DEPTOR: variants seen among roughly 807,000 people sequenced by gnomAD.
DEPTOR encodes DEP domain-containing mTOR-interacting protein.
Under a neutral mutation model 41.6 loss-of-function variants are expected in DEPTOR, and 41 were observed. The observed-to-expected ratio is 0.98, with a 90% CI of 0.77 to 1.28. The LOEUF (loss-of-function observed/expected upper bound fraction) is 1.28. Among genes scored for constraint, DEPTOR ranks in the 50% most tolerant of loss-of-function variants. DEPTOR has a pLI of 0.00. For synonymous variants in DEPTOR, 195 were observed against 192.3 expected (o/e 1.01, Z -0.12); for missense variants, 514 against 527.9 (o/e 0.97, Z 0.26).
chr8:120,030,974 G>T (rs1771739128), intron 8 of DEPTOR, among the ~76,000 whole-genome samples: 1 of 152,082 alleles, frequency 6.6e-6, no homozygotes, highest in Admixed American at 6.6e-5. Flanking sequence ...CGTATGGAAA[G>T]TCCTATAGCT....
At chr8:119,883,727 C>A (rs1235103772) in intron 1 of DEPTOR, among the ~76,000 whole-genome samples, 1 of 152,100 alleles carries the variant, frequency 6.6e-6, no homozygotes. Flanking sequence ...CTTGTGTCCT[C>A]CTATCTCCCT....
chr8:119,969,457 C>A (rs1828606427), intron 4 of DEPTOR, among the ~76,000 whole-genome samples: 4 of 151,406 alleles, frequency 2.6e-5, no homozygotes, highest in Admixed American at 2.6e-4. Context: ...CAGGTTCAAG[C>A]AATTCTCTTG....
chr8:119,971,295 G>T (rs1435350818), intron 4 of DEPTOR, among the ~76,000 whole-genome samples: 1 of 151,304 alleles, frequency 6.6e-6, no homozygotes, highest in Non-Finnish European at 1.5e-5. Flanking sequence ...ATTAATTGGA[G>T]AAAAAGCAAA....
intron 8 of DEPTOR, among the ~76,000 whole-genome samples, chr8:120,028,250 G>A (rs1812831456): frequency 6.6e-6 from 1 of 151,282 alleles, no homozygotes; most frequent in South Asian, 2.1e-4. Context: ...CCACCTCCCA[G>A]GTTCAAGCGA....
At chr8:120,009,916 A>T (rs566912253) in intron 8 of DEPTOR, among the ~76,000 whole-genome samples, 160 of 152,310 alleles carry the variant, frequency 1.1e-3, no homozygotes, top group African/African-American at 3.7e-3. Context: ...TTGAAAAATT[A>T]TGTATTTCCC....
At chr8:120,032,652 G>C (rs1344858010) in intron 8 of DEPTOR, among the ~76,000 whole-genome samples, 1 of 152,188 alleles carries the variant, frequency 6.6e-6, no homozygotes, top group Non-Finnish European at 1.5e-5. Context: ...CTGGGGAGCA[G>C]AACTGCATGT....
At chr8:119,939,803 C>CA (rs574503432) in intron 3 of DEPTOR, among the ~76,000 whole-genome samples, 10 of 151,922 alleles carry the variant, frequency 6.6e-5, no homozygotes, top group Non-Finnish European at 1.3e-4. Flanking sequence ...AACAAACAAA[C>CA]AAACAAAATT....
intron 3 of DEPTOR, 66 bp downstream of exon 3, chr8:119,930,004 T>C: frequency 5.9e-6 from 9 of 1,525,620 alleles, no homozygotes; most frequent in Non-Finnish European, 8.0e-6. Flanking sequence ...TGTGCCAGTC[T>C]CATTATGTTG....
At chr8:119,951,739 C>T (rs944661442) in intron 3 of DEPTOR, among the ~76,000 whole-genome samples, 16 of 152,162 alleles carry the variant, frequency 1.1e-4, no homozygotes, top group Non-Finnish European at 2.4e-4. Context: ...TGTATACCTC[C>T]TCCCTGGGCT....
rs1171655489 is a variant in DEPTOR, at chr8:120,030,497, G to GTTTTTTTTTTTTTTTTTTTTTTTTTT, written c.1102-19076_1102-19051dup. On this transcript the variant is annotated intron_variant, in intron 8 of 8. Coordinates refer to ENST00000286234, the MANE Select transcript of DEPTOR (RefSeq NM_022783.4). ...AATGATGTATTGTGTAGGTTCATCA[G>GTTTTTTTTTTTTTTTTTTTTTTTTTT]TTTTTTTTTTTTTTTTTTTTTTTTT... Among the ~76,000 whole-genome samples the GTTTTTTTTTTTTTTTTTTTTTTTTTT allele has an allele frequency of 1.4e-3, 64 of 46,208 alleles. 14 individuals are homozygous for GTTTTTTTTTTTTTTTTTTTTTTTTTT. The highest frequency in any genetic ancestry group is 1.7e-3 in the Non-Finnish European group (45 of 26,950). The allele number at this position is 46,208 out of a possible 152,430, so 30.3% of individuals were successfully genotyped here.
intron 3 of DEPTOR, among the ~76,000 whole-genome samples, chr8:119,940,149 G>A (rs1251372502): frequency 2.0e-5 from 3 of 151,734 alleles, no homozygotes; most frequent in Non-Finnish European, 4.4e-5. Context: ...CGCAGGAGGT[G>A]GAGGTTGCAG....
chr8:120,034,568 C>T (rs765450890), intron 8 of DEPTOR, among the ~76,000 whole-genome samples: 3 of 151,406 alleles, frequency 2.0e-5, no homozygotes, highest in Non-Finnish European at 4.4e-5. Context: ...CTTCCTCAGC[C>T]TCCCAAGTAG....
intron 3 of DEPTOR, among the ~76,000 whole-genome samples, chr8:119,949,214 C>A (rs185897267): frequency 1.2e-3 from 183 of 152,348 alleles, no homozygotes; most frequent in Non-Finnish European, 1.9e-3. Context: ...CAGTACTTCA[C>A]TTCTGTTTAT....
At chr8:120,017,148 A>T (rs531246573) in intron 8 of DEPTOR, among the ~76,000 whole-genome samples, 50 of 152,190 alleles carry the variant, frequency 3.3e-4, no homozygotes, top group Non-Finnish European at 6.6e-4. Flanking sequence ...GATTCAATGA[A>T]CTGATACTTC....
At chr8:119,992,996 A>G (rs1463610247) in intron 4 of DEPTOR, among the ~76,000 whole-genome samples, 1 of 152,120 alleles carries the variant, frequency 6.6e-6, no homozygotes. Flanking sequence ...AGAATTCAAG[A>G]TGATACATTT....
intron 8 of DEPTOR, among the ~76,000 whole-genome samples, chr8:120,034,290 CACA>C (rs1812940380): frequency 1.5e-5 from 2 of 132,888 alleles, no homozygotes; most frequent in Non-Finnish European, 3.3e-5. Flanking sequence ...CACACACACA[CACA>C]CACACATTGT....
In DEPTOR at chr8:120,002,292, AC is replaced by A. The variant is rs1201844157; in HGVS notation, c.790+584del. Reference sequence around the variant, plus strand: ...GTAGCTGGGACTACAGGCACGTGTCACCATGCCTGGCTCATTTTTGTATTTT... The same window carrying A: ...GTAGCTGGGACTACAGGCACGTGTCACATGCCTGGCTCATTTTTGTATTTT... On this transcript the variant is annotated intron_variant, in intron 5 of 8. Coordinates refer to ENST00000286234, the MANE Select transcript of DEPTOR (RefSeq NM_022783.4). Among the ~76,000 whole-genome samples, 648 of 151,940 alleles carry A rather than the reference AC, an allele frequency of 4.3e-3. 13 individuals are homozygous for A. In the East Asian group the frequency reaches 0.094, roughly 22 times the overall value.
intron 4 of DEPTOR, among the ~76,000 whole-genome samples, chr8:119,987,885 C>T (rs1192699177): frequency 6.6e-6 from 1 of 152,142 alleles, no homozygotes; most frequent in Non-Finnish European, 1.5e-5. Context: ...GCTCGAGTGT[C>T]CCAGGTCGAC....
At chr8:119,998,072 T>C (rs1812296826) in intron 4 of DEPTOR, among the ~76,000 whole-genome samples, 1 of 152,156 alleles carries the variant, frequency 6.6e-6, no homozygotes, top group African/African-American at 2.4e-5. Context: ...TACATGGTAG[T>C]TGAATAAATG....
Sources: allele counts gnomAD v4.1 joint callset (sites outside exome capture counted in the v4.1 genomes callset), GRCh38; gene constraint gnomAD v4.1.1; transcripts MANE v1.5; gene names NCBI Gene and HGNC (gene_info 2026-07-23, HGNC 2026-07-21).